The following RAD51B variants were observed in gnomAD, a reference collection of about 807,000 sequenced individuals.
RAD51B encodes the protein RAD51 paralog B.
RAD51B carries 38 observed loss-of-function variants against 42.2 expected under a neutral mutation model. The observed-to-expected ratio is 0.90, with a 90% CI of 0.70 to 1.18. The LOEUF is 1.18. RAD51B is among the 50% of genes most tolerant of loss of function. RAD51B has a pLI of 0.00. For missense variants in RAD51B, 373 were observed against 400.7 expected (o/e 0.93, Z 0.59); for synonymous variants, 154 against 145.2 (o/e 1.06, Z -0.43).
rs1220230690 is a variant in RAD51B at position 68,433,680 on chromosome 14, C to T, written c.957+22153C>T. ...TTTTTCAAGGTTTTTAGCTTCTTTG[C>T]GATGGGCTTGAACTTCCTCCTTTAG... On this transcript the variant is annotated intron_variant, in intron 9 of 10. Transcript: ENST00000471583. Among the ~76,000 whole-genome samples the T allele has an allele frequency of 7.2e-5, 11 of 152,166 alleles. No homozygotes were observed. The East Asian group carries it at 1.9e-3, about 27-fold the overall frequency.
At chr14:68,609,234 C>T (rs1391604638) in intron 10 of RAD51B, among the ~76,000 whole-genome samples, 2 of 152,224 alleles carry the variant, frequency 1.3e-5, no homozygotes, top group Non-Finnish European at 2.9e-5. Flanking sequence ...TCCAAACCTT[C>T]GGCTGCCAGG....
chr14:68,595,302 T>C, exon 11 of RAD51B: 4 of 1,066,184 alleles, frequency 3.8e-6, no homozygotes, highest in Non-Finnish European at 4.5e-6. Flanking sequence ...TCGCTTCCTT[T>C]GCTGTTACAA....
At chr14:68,452,692 C>T (rs1157017293) in intron 9 of RAD51B, among the ~76,000 whole-genome samples, 1 of 152,194 alleles carries the variant, frequency 6.6e-6, no homozygotes, top group African/African-American at 2.4e-5. Context: ...ATAAGATTCT[C>T]TCATCATAGT....
At chr14:68,089,994 C>G (rs2077062835) in intron 7 of RAD51B, among the ~76,000 whole-genome samples, 1 of 152,006 alleles carries the variant, frequency 6.6e-6, no homozygotes, top group Non-Finnish European at 1.5e-5. Context: ...TAAGCGGAAA[C>G]TAGAAGTGCT....
At chr14:68,284,434 G>T (rs2081377442) in intron 7 of RAD51B, among the ~76,000 whole-genome samples, 2 of 152,310 alleles carry the variant, frequency 1.3e-5, no homozygotes, top group South Asian at 4.1e-4. Flanking sequence ...CATATCTTTT[G>T]TGGACTCAAC....
intron 8 of RAD51B, among the ~76,000 whole-genome samples, chr14:68,318,856 A>G (rs931900445): frequency 3.3e-5 from 5 of 152,212 alleles, no homozygotes; most frequent in African/African-American, 7.2e-5. Flanking sequence ...AATAAAGAAG[A>G]GATATTTTTG....
At chr14:68,541,937 T>C (rs1249733554) in intron 10 of RAD51B, 1 of 603,668 alleles carries the variant, frequency 1.7e-6, no homozygotes, top group Non-Finnish European at 2.1e-6. Flanking sequence ...ACTTTTTTGA[T>C]TTAACACCCC....
intron 11 of RAD51B, among the ~76,000 whole-genome samples, chr14:68,673,732 G>A (rs12897266): frequency 1.0e-3 from 114 of 112,904 alleles, no homozygotes; most frequent in African/African-American, 2.0e-3. Context: ...ACATGCACAC[G>A]CATACACATA....
chr14:68,037,508 C>A (rs540977508), intron 7 of RAD51B, among the ~76,000 whole-genome samples: 2 of 151,940 alleles, frequency 1.3e-5, no homozygotes, highest in African/African-American at 4.8e-5. Flanking sequence ...TGTGAGCCAC[C>A]GTGCCTGGCT....
chr14:68,514,761 C>T (rs568166098), intron 10 of RAD51B, among the ~76,000 whole-genome samples: 2 of 152,348 alleles, frequency 1.3e-5, no homozygotes, highest in African/African-American at 4.8e-5. Flanking sequence ...CTGGAATCCC[C>T]TTCACCTGCT....
chr14:68,576,446 GC>G (rs1889966165), intron 10 of RAD51B, among the ~76,000 whole-genome samples: 1 of 152,212 alleles, frequency 6.6e-6, no homozygotes, highest in African/African-American at 2.4e-5. Flanking sequence ...GAGAAGTAAA[GC>G]CCCCACTAGA....
chr14:68,475,383 G>A (rs1198644565), intron 10 of RAD51B, among the ~76,000 whole-genome samples: 2 of 152,146 alleles, frequency 1.3e-5, no homozygotes, highest in African/African-American at 4.8e-5. Context: ...CTCTTAAAAT[G>A]CAGCATAAAT....
chr14:68,474,628 A>G (rs766004900), intron 10 of RAD51B, among the ~76,000 whole-genome samples: 3 of 152,226 alleles, frequency 2.0e-5, no homozygotes, highest in Non-Finnish European at 4.4e-5. Context: ...CTAAGATTTT[A>G]GAAAATCCGA....
intron 8 of RAD51B, among the ~76,000 whole-genome samples, chr14:68,352,718 G>A (rs372442398): frequency 6.4e-4 from 98 of 152,340 alleles, no homozygotes; most frequent in African/African-American, 2.0e-3. Flanking sequence ...CACTGGCAAG[G>A]ACTTCATGGC....
intron 10 of RAD51B, among the ~76,000 whole-genome samples, chr14:68,559,159 ATG>A (rs1297071517): frequency 6.6e-6 from 1 of 151,828 alleles, no homozygotes; most frequent in Non-Finnish European, 1.5e-5. Flanking sequence ...GTCCATATAT[ATG>A]TGTCTATAGA....
At chr14:68,288,995 A>T (rs1214172667) in intron 7 of RAD51B, among the ~76,000 whole-genome samples, 3 of 152,206 alleles carry the variant, frequency 2.0e-5, no homozygotes, top group African/African-American at 7.2e-5. Context: ...CTTGATTTAA[A>T]TGACTATATT....
chr14:68,411,001 G>C (rs1398323687), intron 8 of RAD51B, among the ~76,000 whole-genome samples: 1 of 152,052 alleles, frequency 6.6e-6, no homozygotes, highest in Non-Finnish European at 1.5e-5. Context: ...ATATTGATAG[G>C]GAAAATTGAG....
At chr14:67,940,048 ATATATATTTTTTTTTTTTTTTTTTTTTT>A (rs1420181183) in intron 7 of RAD51B, among the ~76,000 whole-genome samples, 34 of 13,784 alleles carry the variant, frequency 2.5e-3, no homozygotes, top group African/African-American at 5.2e-3. Flanking sequence ...ATATATATAT[ATATATATTTTTTTTTTTTTTTTTTTTTT>A]TTTTTTTTTT....
At chr14:68,143,835 C>T (rs1005916002) in intron 7 of RAD51B, among the ~76,000 whole-genome samples, 3 of 152,136 alleles carry the variant, frequency 2.0e-5, no homozygotes, top group African/African-American at 7.2e-5. Flanking sequence ...CAGAACCAAC[C>T]GTCACTTTTA....
Sources: allele counts gnomAD v4.1 joint callset (sites outside exome capture counted in the v4.1 genomes callset), GRCh38; gene constraint gnomAD v4.1.1; transcripts MANE v1.5; gene names NCBI Gene and HGNC (gene_info 2026-07-23, HGNC 2026-07-21).